The following SLC18A2 variants were observed in gnomAD, a reference collection of about 807,000 sequenced individuals.
The protein encoded by SLC18A2 is synaptic vesicular amine transporter.
SLC18A2 carries 33 observed loss-of-function variants against 59.2 expected under a neutral mutation model. That is an observed-to-expected ratio of 0.56 (90% CI 0.42 to 0.75). The LOEUF (loss-of-function observed/expected upper bound fraction) is 0.75, where lower values mean the gene tolerates loss of function less well. Among genes scored for constraint, SLC18A2 ranks in the 30% least tolerant of loss-of-function variants. The pLI is 0.00. For synonymous variants in SLC18A2, 228 were observed against 253.5 expected, an observed-to-expected ratio of 0.90 and a Z score of 0.95; for missense variants, 569 against 668.6, an observed-to-expected ratio of 0.85 and a Z score of 1.64.
chr10:117,277,254 T>A lies in SLC18A2; in HGVS notation c.1533T>A (p.Ser511=). ...ATCCGATAGGTGAAGATGAAGAATC[T>A]GAAAGTGACTGAGATGAGATCCTCA... ...QSYPIGEDEE[S]ESD is the part of the protein sequence containing the mutation. The change falls in exon 16 of 16, where the codon TCT becomes TCA. Residue 511 remains serine (S), a synonymous_variant. Transcript: ENST00000644641. 6.3e-7 allele frequency: 1 copy of A among 1,590,182 alleles called. No homozygotes were observed. Among genetic ancestry groups the A allele is most frequent in the Non-Finnish European group, 8.6e-7 (1 of 1,160,350 alleles).
chr10:117,261,164 G>C (rs894952802), intron 10 of SLC18A2, among the ~76,000 whole-genome samples: 3 of 151,780 alleles, frequency 2.0e-5, no homozygotes, highest in Non-Finnish European at 4.4e-5. Context: ...TTGAGACCAG[G>C]AGTTCAAGAC....
At chr10:117,264,015 T>C (rs962780115) in intron 10 of SLC18A2, among the ~76,000 whole-genome samples, 3 of 152,230 alleles carry the variant, frequency 2.0e-5, no homozygotes, top group African/African-American at 7.2e-5. Context: ...AGGGGTCATC[T>C]TGAGCTTGGA....
chr10:117,247,767 A>G (rs954975594), intron 3 of SLC18A2, among the ~76,000 whole-genome samples: 5 of 152,152 alleles, frequency 3.3e-5, no homozygotes, highest in African/African-American at 9.7e-5. Flanking sequence ...GCATCCCTAA[A>G]GATGTGTGGG....
intron 15 of SLC18A2, among the ~76,000 whole-genome samples, chr10:117,276,730 G>T (rs779551853): frequency 6.6e-6 from 1 of 151,894 alleles, no homozygotes. Flanking sequence ...TTTCTCACAT[G>T]TGAGGGCTTC....
rs1370170194 is a variant in SLC18A2 at position 117,255,454 on chromosome 10, T to G, written c.791-25T>G. The G allele has an allele frequency of 2.5e-6, 4 of 1,613,994 alleles. No individual in the cohort carries two copies. The African/African-American group carries it at 5.3e-5, about 22-fold the overall frequency. ...CACACCTGCTTTCTGAAGAGGGGCT[T>G]GTCTTTTTTATTTTTATTTTTTAGC... On this transcript the variant is annotated intron_variant, in intron 7 of 15. Transcript: ENST00000644641.
intron 2 of SLC18A2, among the ~76,000 whole-genome samples, chr10:117,242,635 T>G (rs968131780): frequency 5.3e-5 from 8 of 152,252 alleles, no homozygotes; most frequent in African/African-American, 1.9e-4. Context: ...GCATTAGTTC[T>G]GCTTCGGCTC....
chr10:117,253,919 A>G (rs1844194032), intron 4 of SLC18A2, 129 bp from the exon 5 acceptor site: 2 of 805,398 alleles, frequency 2.5e-6, no homozygotes, highest in Non-Finnish European at 4.1e-6. Flanking sequence ...CTTTTTACGG[A>G]ACAAAAGCAC....
intron 2 of SLC18A2, among the ~76,000 whole-genome samples, chr10:117,243,381 C>T (rs1473253590): frequency 6.6e-6 from 1 of 152,200 alleles, no homozygotes; most frequent in Non-Finnish European, 1.5e-5. Context: ...TCTCTGGGAC[C>T]AGTCAGTTCA....
At chr10:117,275,260 C>A (rs1844472798) in intron 15 of SLC18A2, among the ~76,000 whole-genome samples, 1 of 152,058 alleles carries the variant, frequency 6.6e-6, no homozygotes, top group Non-Finnish European at 1.5e-5. Context: ...GGCAGCCTAA[C>A]TTAGAGGGTC....
intron 3 of SLC18A2, among the ~76,000 whole-genome samples, chr10:117,248,288 G>A (rs774871688): frequency 3.3e-5 from 5 of 152,052 alleles, no homozygotes; most frequent in African/African-American, 1.2e-4. Context: ...TTAAATATTC[G>A]ATAAGTTCTC....
rs1206612966 is a variant in SLC18A2 at position 117,241,728 on chromosome 10, T to A, written c.35T>A (p.Leu12Gln). ...ALSELALVRWLQESRRSRKLI... is the reference protein window; with the variant it reads ...ALSELALVRWQQESRRSRKLI... ...AGCGAGCTGGCGCTGGTCCGCTGGCTGCAGGAGAGCCGCCGCTCGCGGAAG... is the reference window on the plus strand; with the variant it reads ...AGCGAGCTGGCGCTGGTCCGCTGGCAGCAGGAGAGCCGCCGCTCGCGGAAG... Residue 12 changes from leucine (L) to glutamine (Q), a missense_variant, in exon 2 of 16, where the codon CTG (leucine) becomes CAG (glutamine). This residue lies in a region of SLC18A2 where 377 missense variants were observed against 389.8 expected (regional missense o/e 0.97). Transcript: ENST00000644641. 3.7e-6 allele frequency: 6 copies of A among 1,607,344 alleles called. No homozygotes were observed. In the South Asian group the frequency reaches 6.6e-5, roughly 18 times the overall value.
chr10:117,254,607 C>T, intron 6 of SLC18A2, 110 bp downstream of exon 6: 2 of 583,232 alleles, frequency 3.4e-6, no homozygotes, highest in Non-Finnish European at 5.5e-6. Flanking sequence ...CACAGAGGTC[C>T]CCTTTTTATT....
chr10:117,253,028 C>G (rs1844181733), intron 3 of SLC18A2, among the ~76,000 whole-genome samples: 1 of 152,148 alleles, frequency 6.6e-6, no homozygotes, highest in Admixed American at 6.5e-5. Context: ...GGCCTTTTAC[C>G]CGAATCATTT....
chr10:117,255,468 T>G lies in SLC18A2; in HGVS notation c.791-11T>G. On this transcript the variant is annotated splice_polypyrimidine_tract_variant and intron_variant, in intron 7 of 15. Coordinates refer to ENST00000644641, the MANE Select transcript of SLC18A2 (RefSeq NM_003054.6). ...GAAGAGGGGCTTGTCTTTTTTATTT[T>G]TATTTTTTAGCTATTCAGCTCTTTG... 6.2e-7 allele frequency: 1 copy of G among 1,614,116 alleles called. No individual in the cohort carries two copies. Among genetic ancestry groups the G allele is most frequent in the South Asian group, 1.1e-5 (1 of 91,082 alleles).
In SLC18A2 at chr10:117,269,738, T is replaced by G. The variant is rs927713035; in HGVS notation, c.1187-333T>G. Among the ~76,000 whole-genome samples the G allele has an allele frequency of 2.0e-5, 3 of 152,212 alleles. No individual in the cohort carries two copies. Among genetic ancestry groups the G allele is most frequent in the Admixed American group, 6.5e-5 (1 of 15,284 alleles). On this transcript the variant is annotated intron_variant, in intron 13 of 15. Transcript: ENST00000644641. The surrounding 1 kb of genome is among the most constrained non-coding windows in gnomAD (Gnocchi z 5.1). The stretch of plus-strand genomic sequence containing the variant: ...TTTCTTTCATTGAAATGGTGCTTGC[T>G]GCTTCCTAATATGTACAAGTGCTGG...
rs363267 is a variant in SLC18A2, at chr10:117,266,981, T to A, written c.1071-3T>A. 15 of 1,612,608 alleles carry A rather than the reference T, an allele frequency of 9.3e-6. No individual in the cohort carries two copies. The Admixed American group carries it at 2.5e-4, about 27-fold the overall frequency. On this transcript the variant is annotated splice_region_variant and splice_polypyrimidine_tract_variant and intron_variant, in intron 11 of 15. Transcript: ENST00000644641. ...TTCTTGATGGTGCTTTTTCTTTTGGTAGGTGGCTTTGTGCTCTTCTGGGAA... is the reference window on the plus strand; with the variant it reads ...TTCTTGATGGTGCTTTTTCTTTTGGAAGGTGGCTTTGTGCTCTTCTGGGAA...
At chr10:117,253,957 TG>T (rs1844194633) in intron 4 of SLC18A2, 90 bp from the exon 5 acceptor site, 2 of 1,145,046 alleles carry the variant, frequency 1.7e-6, no homozygotes, top group Non-Finnish European at 2.6e-6. Flanking sequence ...AATGCTCCAC[TG>T]GGTTAAGGGG....
chr10:117,246,522 C>G (rs771136302), intron 3 of SLC18A2, among the ~76,000 whole-genome samples: 12 of 152,312 alleles, frequency 7.9e-5, no homozygotes, highest in Non-Finnish European at 1.3e-4. Flanking sequence ...TTAGTCTATT[C>G]TCATGGTGAG....
chr10:117,255,711 C>A, intron 9 of SLC18A2, 54 bp downstream of exon 9: 1 of 1,547,160 alleles, frequency 6.5e-7, no homozygotes, highest in Non-Finnish European at 8.8e-7. Flanking sequence ...TGGCCGCGTG[C>A]TGGAGGCAGG....
Sources: allele counts gnomAD v4.1 joint callset (sites outside exome capture counted in the v4.1 genomes callset), GRCh38; gene constraint gnomAD v4.1.1; regional missense constraint gnomAD v4.1.1; non-coding constraint Gnocchi (gnomAD v3.1); transcripts MANE v1.5; gene names NCBI Gene and HGNC (gene_info 2026-07-23, HGNC 2026-07-21).